Variants in TBC1D5 observed in about 807,000 individuals in gnomAD.
The protein encoded by TBC1D5 is TBC1 domain family, member 5.
A neutral mutation model predicts 100.3 loss-of-function variants in TBC1D5; 75 were observed. The observed-to-expected ratio is 0.75, with a 90% CI of 0.62 to 0.91. The LOEUF (loss-of-function observed/expected upper bound fraction) is 0.91. Ranked by LOEUF, TBC1D5 falls within the 40% of genes least tolerant of loss-of-function variation. The pLI is 0.00. For missense variants in TBC1D5, 910 were observed against 942.4 expected (o/e 0.97, Z 0.45); for synonymous variants, 323 against 325.6 (o/e 0.99, Z 0.09).
intron 13 of TBC1D5, among the ~76,000 whole-genome samples, chr3:17,323,225 C>T (rs1010437166): frequency 1.3e-5 from 2 of 152,110 alleles, no homozygotes; most frequent in African/African-American, 4.8e-5. Context: ...CAGTTTATCA[C>T]AAACTCTTTT....
At chr3:17,216,265 A>C (rs1003349661) in intron 17 of TBC1D5, among the ~76,000 whole-genome samples, 1 of 152,106 alleles carries the variant, frequency 6.6e-6, no homozygotes, top group Non-Finnish European at 1.5e-5. Context: ...TGCTCTTCTC[A>C]GGGTGGTTCC....
chr3:17,713,424 AGT>A (rs2074942879), intron 1 of TBC1D5, among the ~76,000 whole-genome samples: 1 of 151,836 alleles, frequency 6.6e-6, no homozygotes, highest in Non-Finnish European at 1.5e-5. Context: ...TTGTATTTTT[AGT>A]ACAGACAGGG....
intron 1 of TBC1D5, among the ~76,000 whole-genome samples, chr3:17,691,515 T>A (rs1040414594): frequency 2.0e-5 from 3 of 152,130 alleles, no homozygotes; most frequent in Admixed American, 6.5e-5. Flanking sequence ...AGGCAAATGC[T>A]CCACGAAAGA....
intron 20 of TBC1D5, 68 bp downstream of exon 21, chr3:17,167,681 C>A: frequency 1.4e-6 from 2 of 1,415,608 alleles, no homozygotes; most frequent in Non-Finnish European, 2.0e-6. Flanking sequence ...CATGGTGCTC[C>A]ATGCCCTGGG....
At chr3:17,415,267 C>G (rs905255306) in intron 4 of TBC1D5, among the ~76,000 whole-genome samples, 2 of 152,110 alleles carry the variant, frequency 1.3e-5, no homozygotes, top group Non-Finnish European at 2.9e-5. Context: ...AACCATTCTC[C>G]TGCCTCAGCC....
At chr3:17,183,266 C>T (rs1300921478) in intron 19 of TBC1D5, among the ~76,000 whole-genome samples, 1 of 152,152 alleles carries the variant, frequency 6.6e-6, no homozygotes, top group African/African-American at 2.4e-5. Flanking sequence ...TGCCAAGTCC[C>T]CCTTTAAAAG....
At chr3:17,429,740 T>C (rs942902688) in intron 3 of TBC1D5, among the ~76,000 whole-genome samples, 3 of 151,922 alleles carry the variant, frequency 2.0e-5, no homozygotes, top group Middle Eastern at 3.2e-3. Context: ...GTAATTTTAA[T>C]GACAGCTACC....
intron 2 of TBC1D5, among the ~76,000 whole-genome samples, chr3:17,524,151 T>C (rs2096098999): frequency 6.6e-6 from 1 of 152,166 alleles, no homozygotes; most frequent in Non-Finnish European, 1.5e-5. Flanking sequence ...CGGAATTTTA[T>C]ACATATACAC....
At chr3:17,334,876 T>C (rs951125404) in intron 13 of TBC1D5, among the ~76,000 whole-genome samples, 5 of 152,180 alleles carry the variant, frequency 3.3e-5, no homozygotes, top group African/African-American at 1.2e-4. Flanking sequence ...TCTGACTTTC[T>C]GACTCTGCAT....
intron 13 of TBC1D5, among the ~76,000 whole-genome samples, chr3:17,355,666 A>G (rs2091145821): frequency 1.3e-5 from 2 of 152,126 alleles, no homozygotes; most frequent in Non-Finnish European, 2.9e-5. Flanking sequence ...AAATATACCA[A>G]AATTTATACA....
intron 15 of TBC1D5, among the ~76,000 whole-genome samples, chr3:17,287,739 C>G (rs1031038297): frequency 6.6e-6 from 1 of 152,154 alleles, no homozygotes; most frequent in African/African-American, 2.4e-5. Context: ...TAAAGGCTAT[C>G]TCTGATATAA....
chr3:17,354,006 C>T (rs2090931403), intron 13 of TBC1D5, among the ~76,000 whole-genome samples: 1 of 151,992 alleles, frequency 6.6e-6, no homozygotes, highest in Non-Finnish European at 1.5e-5. Flanking sequence ...GATGATTTTT[C>T]ATCTAAAATA....
chr3:17,309,252 C>T (rs1374509857), intron 13 of TBC1D5, among the ~76,000 whole-genome samples: 1 of 151,774 alleles, frequency 6.6e-6, no homozygotes, highest in African/African-American at 2.4e-5. Flanking sequence ...AAAGATGTGA[C>T]AAAATACTGT....
At chr3:17,738,212 A>AC (rs1435365872) in intron 1 of TBC1D5, among the ~76,000 whole-genome samples, 5 of 152,240 alleles carry the variant, frequency 3.3e-5, no homozygotes, top group African/African-American at 1.2e-4. Flanking sequence ...TCCAAAAAGT[A>AC]CAAACTCTGC....
At chr3:17,428,944 C>T (rs1360725447) in intron 3 of TBC1D5, among the ~76,000 whole-genome samples, 1 of 151,934 alleles carries the variant, frequency 6.6e-6, no homozygotes, top group Non-Finnish European at 1.5e-5. Flanking sequence ...TAGTTTGATG[C>T]TCTCTAGGAA....
chr3:17,484,460 G>C (rs1294869283), intron 3 of TBC1D5, among the ~76,000 whole-genome samples: 1 of 144,442 alleles, frequency 6.9e-6, no homozygotes, highest in Non-Finnish European at 1.5e-5. Context: ...ACCAGGGTGT[G>C]TGTGTGTGTG....
intron 17 of TBC1D5, among the ~76,000 whole-genome samples, chr3:17,230,594 T>C (rs1559454872): frequency 6.6e-6 from 1 of 152,172 alleles, no homozygotes; most frequent in Non-Finnish European, 1.5e-5. Context: ...GAAGTTTTTT[T>C]TTAACCTTTT....
At chr3:17,602,226 T>G (rs953453144) in intron 2 of TBC1D5, among the ~76,000 whole-genome samples, 2 of 152,184 alleles carry the variant, frequency 1.3e-5, no homozygotes, top group Non-Finnish European at 2.9e-5. Context: ...GTAATGTGTA[T>G]CAAAACCCAT....
chr3:17,652,543 A>G (rs942956303), intron 1 of TBC1D5, among the ~76,000 whole-genome samples: 4 of 152,246 alleles, frequency 2.6e-5, no homozygotes, highest in Non-Finnish European at 5.9e-5. Context: ...GATAATAAAT[A>G]TAACACAACA....
Sources: gnomAD v4.1 joint callset for allele counts (sites outside exome capture counted in the v4.1 genomes callset) on GRCh38, gnomAD v4.1.1 for gene constraint, MANE v1.5 for transcripts, NCBI Gene and HGNC (gene_info 2026-07-23, HGNC 2026-07-21) for gene names.